The following ANKRD30BL variants were observed in gnomAD, a reference collection of about 807,000 sequenced individuals.
ANKRD30BL encodes the protein putative ankyrin repeat domain-containing protein 30B-like.
In ANKRD30BL, 20 loss-of-function variants were observed where a neutral mutation model predicts 18.4. The observed-to-expected ratio is 1.09, with a 90% CI of 0.77 to 1.58. ANKRD30BL has a LOEUF of 1.58. Ranked by LOEUF, ANKRD30BL falls within the 40% of genes most tolerant of loss-of-function variation. The pLI is 0.00. For synonymous variants in ANKRD30BL, 72 were observed against 100.9 expected, an observed-to-expected ratio of 0.71 and a Z score of 1.72; for missense variants, 224 against 268.6, an observed-to-expected ratio of 0.83 and a Z score of 1.16.
At chr2:132,163,850 T>C (rs973624182), upstream of ANKRD30BL, among the ~76,000 whole-genome samples, 4 of 152,244 alleles carry the variant, frequency 2.6e-5, no homozygotes, top group African/African-American at 9.6e-5. Context: ...GAGTGTTAGA[T>C]ATGCTCATTT....
chr2:132,253,804 A>AG lies in ANKRD30BL; in HGVS notation n.441+3724dup, dbSNP rs1395693330. Among the ~76,000 whole-genome samples the AG allele has an allele frequency of 1.6e-4, 24 of 146,298 alleles. 1 individual carries two copies. The highest frequency in any genetic ancestry group is 3.3e-4 in the African/African-American group (13 of 39,594). On this transcript the variant is annotated intron_variant and non_coding_transcript_variant, in intron 1 of 4. Transcript: ENST00000470729. ...GGTACCTGGATGGCGGGGGCGGATG[A>AG]GGGGGGTGGGACCGGCATCCGGCCC...
At chr2:132,236,784 C>T (rs1405523811) in intron 1 of ANKRD30BL, among the ~76,000 whole-genome samples, 1 of 151,908 alleles carries the variant, frequency 6.6e-6, no homozygotes, top group Non-Finnish European at 1.5e-5. Flanking sequence ...GGTATATACC[C>T]AAAGGACTAT....
chr2:132,240,159 A>G (rs1573880595), intron 1 of ANKRD30BL, among the ~76,000 whole-genome samples: 1 of 152,010 alleles, frequency 6.6e-6, no homozygotes, highest in South Asian at 2.1e-4. Context: ...CTTCACATAA[A>G]AACTAGATAG....
intron 1 of ANKRD30BL, among the ~76,000 whole-genome samples, chr2:132,219,276 T>G (rs1033184257): frequency 7.3e-5 from 11 of 151,276 alleles, no homozygotes; most frequent in African/African-American, 2.2e-4. Context: ...AGTGGATATT[T>G]GGACTGCTTA....
At chr2:132,201,535 GA>G (rs1457117142) in intron 1 of ANKRD30BL, among the ~76,000 whole-genome samples, 5 of 152,152 alleles carry the variant, frequency 3.3e-5, no homozygotes, top group African/African-American at 4.8e-5. Context: ...AAAAACACAT[GA>G]AAAAATGCTC....
intron 4 of ANKRD30BL, among the ~76,000 whole-genome samples, 200 bp downstream of exon 4, chr2:132,154,462 G>T (rs764576123): frequency 2.8e-4 from 43 of 152,062 alleles, no homozygotes; most frequent in Non-Finnish European, 6.0e-4. Flanking sequence ...TATAATAAAA[G>T]AAGAAAATCC....
At chr2:132,152,268 T>A (rs898548365) in intron 4 of ANKRD30BL, 3 of 152,200 alleles carry the variant, frequency 2.0e-5, no homozygotes, top group African/African-American at 7.2e-5. Context: ...CTTACAGATT[T>A]CTATGTCATC....
rs570893058 is a variant in ANKRD30BL, at chr2:132,175,047, T to C, written n.442-17901A>G. 6.7e-3 allele frequency among the ~76,000 whole-genome samples: 1,019 copies of C among 152,216 alleles called. 10 individuals are homozygous for C. Among genetic ancestry groups the C allele is most frequent in the African/African-American group, 0.022 (918 of 41,534 alleles). On this transcript the variant is annotated intron_variant and non_coding_transcript_variant, in intron 1 of 4. Transcript: ENST00000470729. ...GAAGGGGTGGCCAGCCCCTCCACAT[T>C]TGTGGGTATTTCTAGTCAGGTGGGA...
intron 1 of ANKRD30BL, among the ~76,000 whole-genome samples, chr2:132,229,607 G>A (rs1679950007): frequency 1.3e-5 from 2 of 152,032 alleles, no homozygotes; most frequent in African/African-American, 4.8e-5. Context: ...GCCTTCGTTG[G>A]AAACGGGAAT....
chr2:132,154,601 C>G, intron 4 of ANKRD30BL, 61 bp downstream of exon 4: 1 of 545,962 alleles, frequency 1.8e-6, no homozygotes, highest in Non-Finnish European at 3.3e-6. Context: ...ATATTTCTGA[C>G]TTGAGAGTTA....
intron 1 of ANKRD30BL, among the ~76,000 whole-genome samples, chr2:132,217,383 G>A (rs1021869228): frequency 6.6e-5 from 10 of 152,078 alleles, no homozygotes; most frequent in African/African-American, 2.4e-4. Flanking sequence ...TGTAGAATCT[G>A]CAAGTGGACA....
At chr2:132,225,380 A>C (rs1679816340) in intron 1 of ANKRD30BL, among the ~76,000 whole-genome samples, 1 of 151,900 alleles carries the variant, frequency 6.6e-6, no homozygotes, top group Non-Finnish European at 1.5e-5. Context: ...TTTGCCTTAA[A>C]CTCACGGAGT....
At chr2:132,218,167 G>A (rs1679560030) in intron 1 of ANKRD30BL, among the ~76,000 whole-genome samples, 1 of 152,258 alleles carries the variant, frequency 6.6e-6, no homozygotes, top group African/African-American at 2.4e-5. Flanking sequence ...TTTGTGATGT[G>A]TGCATTCAAC....
At chr2:132,216,494 G>T (rs1430265879) in intron 1 of ANKRD30BL, among the ~76,000 whole-genome samples, 2 of 150,918 alleles carry the variant, frequency 1.3e-5, no homozygotes, top group Non-Finnish European at 3.0e-5. Context: ...CATTTTGTTC[G>T]CTTTGAGGCC....
intron 1 of ANKRD30BL, among the ~76,000 whole-genome samples, chr2:132,187,845 G>A (rs1034585747): frequency 1.1e-4 from 16 of 150,238 alleles, no homozygotes; most frequent in African/African-American, 3.9e-4. Context: ...TGCAACCTCC[G>A]CCTCCTGGGT....
In ANKRD30BL at chr2:132,235,182, A is replaced by G. The variant is rs201493825; in HGVS notation, n.441+22347T>C. On this transcript the variant is annotated intron_variant and non_coding_transcript_variant, in intron 1 of 4. Transcript: ENST00000470729. ...TCAATAAATTAGGTATTGATGGGAC[A>G]TATTTCAAAATAATAAGAGCTATCT... 2.3e-4 allele frequency among the ~76,000 whole-genome samples: 35 copies of G among 152,254 alleles called. No homozygotes were observed. The South Asian group carries it at 3.7e-3, about 16-fold the overall frequency.
chr2:132,224,639 T>A (rs1679791673), intron 1 of ANKRD30BL, among the ~76,000 whole-genome samples: 1 of 152,138 alleles, frequency 6.6e-6, no homozygotes, highest in South Asian at 2.1e-4. Context: ...GAAAAGGAAG[T>A]ATCTTCACTT....
chr2:132,205,956 C>G (rs1057439753), intron 1 of ANKRD30BL, among the ~76,000 whole-genome samples: 1 of 152,026 alleles, frequency 6.6e-6, no homozygotes, highest in African/African-American at 2.4e-5. Flanking sequence ...ATCAGCAGTT[C>G]AAGACCAGCC....
intron 1 of ANKRD30BL, among the ~76,000 whole-genome samples, chr2:132,252,240 C>T (rs1386605887): frequency 2.0e-5 from 3 of 152,260 alleles, no homozygotes; most frequent in South Asian, 2.1e-4. Context: ...GTGGCTGCGC[C>T]AAGTCTAGGG....
Sources: allele counts gnomAD v4.1 joint callset (sites outside exome capture counted in the v4.1 genomes callset), GRCh38; gene constraint gnomAD v4.1.1; transcripts MANE v1.5; gene names NCBI Gene and HGNC (gene_info 2026-07-23, HGNC 2026-07-21).